The following MED13L variants were observed in gnomAD, a reference collection of about 807,000 sequenced individuals.
MED13L encodes the protein mediator of RNA polymerase II transcription subunit 13-like.
In MED13L, 7 loss-of-function variants were observed where a neutral mutation model predicts 220.9. That is an observed-to-expected ratio of 0.03 (90% confidence interval 0.02 to 0.06). MED13L has a LOEUF of 0.06. Among genes scored for constraint, MED13L ranks in the 10% least tolerant of loss-of-function variants. The pLI is 1.00. For synonymous variants in MED13L, 1,011 were observed against 1,015.2 expected, an observed-to-expected ratio of 1.00 and a Z score of 0.08; for missense variants, 1,965 against 2,760.5, an observed-to-expected ratio of 0.71 and a Z score of 6.46.
chr12:116,160,582 A>AT (rs1217577263), intron 2 of MED13L, among the ~76,000 whole-genome samples: 3 of 145,640 alleles, frequency 2.1e-5, no homozygotes, highest in Non-Finnish European at 4.6e-5. Flanking sequence ...CCAAACTTTA[A>AT]TTTAAAAAAA....
At chr12:116,239,553 T>C (rs1239009448) in intron 1 of MED13L, among the ~76,000 whole-genome samples, 1 of 152,242 alleles carries the variant, frequency 6.6e-6, no homozygotes, top group Non-Finnish European at 1.5e-5. Context: ...ATTCTATTCA[T>C]TGGAAAAAAT....
At chr12:116,102,643 C>T (rs903733250) in intron 3 of MED13L, among the ~76,000 whole-genome samples, 3 of 150,226 alleles carry the variant, frequency 2.0e-5, no homozygotes, top group Non-Finnish European at 4.4e-5. Context: ...AATAAACCTA[C>T]ATAATCAAGG....
At chr12:116,091,779 T>C (rs1396023912) in intron 4 of MED13L, among the ~76,000 whole-genome samples, 3 of 152,234 alleles carry the variant, frequency 2.0e-5, no homozygotes, top group Non-Finnish European at 4.4e-5. Context: ...ATAGTACATG[T>C]TTTACATGCC....
At chr12:116,267,600 T>A (rs919132605) in intron 1 of MED13L, among the ~76,000 whole-genome samples, 1 of 152,212 alleles carries the variant, frequency 6.6e-6, no homozygotes, top group African/African-American at 2.4e-5. Context: ...GGCACAGAAC[T>A]ATTACGTGAT....
At position 116,248,894 on chromosome 12, in the gene MED13L, T is replaced by C. The variant is rs1159123460; in HGVS notation, c.73-11189A>G. On this transcript the variant is annotated intron_variant, in intron 1 of 30. Transcript: ENST00000281928. ...AACTGGACAGAATATATAAAATTACTGTTTTCAGACACTAGACAACAGGGA... is the reference window on the plus strand; with the variant it reads ...AACTGGACAGAATATATAAAATTACCGTTTTCAGACACTAGACAACAGGGA... 3.9e-5 allele frequency among the ~76,000 whole-genome samples: 6 copies of C among 152,214 alleles called. No individual in the cohort carries two copies. The East Asian group carries it at 1.2e-3, about 29-fold the overall frequency.
chr12:116,038,744 CAAAAAAAAAAAAAAAAA>C (rs63703461), intron 4 of MED13L, among the ~76,000 whole-genome samples: 5 of 75,262 alleles, frequency 6.6e-5, no homozygotes, highest in Non-Finnish European at 1.1e-4. Context: ...GTCAAAAGGC[CAAAAAAAAAAAAAAAAA>C]AAAAAAAAAA....
intron 4 of MED13L, among the ~76,000 whole-genome samples, chr12:116,052,303 T>C (rs922078077): frequency 2.0e-5 from 3 of 152,088 alleles, no homozygotes; most frequent in Non-Finnish European, 4.4e-5. Context: ...AAAGGGATGA[T>C]TAAAGTCATT....
In MED13L at chr12:116,015,269, T is replaced by C. The variant is rs1224842379; in HGVS notation, c.1015A>G (p.Ser339Gly). ...CTGGCAGCACTCTGCATACCTCCAC[T>C]CTCACCTGAAAAAAAAGGCAATTTG... The part of the protein sequence containing the change: ...TSPEQAILGE[S>G]GGMQSAASHL... Residue 339 changes from serine (S) to glycine (G), a missense_variant, in exon 8 of 31, where the codon AGT (serine) becomes GGT (glycine). Ser to Gly is a moderately conservative substitution (Grantham distance 56). This residue lies in a region of MED13L where 818 missense variants were observed against 1,041.2 expected (regional missense o/e 0.79). Coordinates refer to ENST00000281928, the MANE Select transcript of MED13L (RefSeq NM_015335.5). 6.2e-7 allele frequency: 1 copy of C among 1,613,712 alleles called. No individual in the cohort carries two copies. The highest frequency in any genetic ancestry group is 2.2e-5 in the East Asian group (1 of 44,866).
intron 16 of MED13L, among the ~76,000 whole-genome samples, chr12:115,993,366 C>T (rs1878192727): frequency 1.3e-5 from 2 of 152,080 alleles, no homozygotes; most frequent in South Asian, 4.1e-4. Flanking sequence ...TAAACTAATG[C>T]TCCTCCAATA....
Position 116,165,934 on chromosome 12 carries a change from G to A in MED13L, c.311-54422C>T, listed in dbSNP as rs186013508. Among the ~76,000 whole-genome samples, 614 of 152,164 alleles carry A rather than the reference G, an allele frequency of 4.0e-3. 4 individuals are homozygous for A. The highest frequency in any genetic ancestry group is 7.2e-3 in the Admixed American group (110 of 15,284). ...TCCACTACAGCTGCATTGGTCTTTC[G>A]TTCCTGGAATACAACATGCCTCCTG... is the stretch of plus-strand genomic sequence containing the variant. On this transcript the variant is annotated intron_variant, in intron 2 of 30. Coordinates refer to ENST00000281928, the MANE Select transcript of MED13L (RefSeq NM_015335.5).
In MED13L at chr12:115,986,587, G is replaced by A. The variant is rs1425427539; in HGVS notation, c.4115-98C>T. ...TGCACTGGTCTTAATTCTGGCATCT[G>A]AAATGTCACTCCATGTTCACAAGAC... On this transcript the variant is annotated intron_variant, in intron 18 of 30. Transcript: ENST00000281928. 1.2e-4 allele frequency: 134 copies of A among 1,087,780 alleles called. 1 individual carries two copies. Among genetic ancestry groups the A allele is most frequent in the Non-Finnish European group, 1.6e-4 (113 of 721,044 alleles). 67.4% of individuals were successfully genotyped at this position (1,087,780 alleles called of 1,614,324 possible).
chr12:116,023,890 T>A (rs917247994), intron 4 of MED13L, among the ~76,000 whole-genome samples: 1 of 152,102 alleles, frequency 6.6e-6, no homozygotes, highest in Admixed American at 6.5e-5. Flanking sequence ...TAAAATAATA[T>A]AAACAGTAAA....
At position 115,983,367 on chromosome 12, in the gene MED13L, T is replaced by C. The variant is rs1337517436; in HGVS notation, c.4705A>G (p.Ser1569Gly). The C allele has an allele frequency of 6.2e-7, 1 of 1,614,098 alleles. No homozygotes were observed. Residue 1569 changes from serine (S) to glycine (G), a missense_variant, in exon 21 of 31, where the codon AGT becomes GGT. Around this residue, in one of 10 missense-constraint regions of MED13L, gnomAD observed 510 missense variants for 620.4 expected, o/e 0.82. Coordinates refer to ENST00000281928, the MANE Select transcript of MED13L (RefSeq NM_015335.5). The part of the protein sequence containing the change: ...GSAFNPTSNS[S>G]STNPAASSSA... The stretch of plus-strand genomic sequence containing the variant: ...CTACTTGCTGCAGGATTTGTAGAAC[T>C]ACTATTCGAGGTGGGATTAAATGCA...
intron 4 of MED13L, among the ~76,000 whole-genome samples, chr12:116,051,606 C>T (rs886567691): frequency 6.6e-6 from 1 of 152,138 alleles, no homozygotes; most frequent in African/African-American, 2.4e-5. Flanking sequence ...TATCTGCATA[C>T]ACATAATAAG....
chr12:116,161,909 TA>T lies in MED13L; in HGVS notation c.311-50398del, dbSNP rs540313930. Reference sequence around the variant, plus strand: ...CACCTTTACTCACTGTATCTTTTTTTAAAAAAAGAAATGGAATATCTAACAA... The same window carrying T: ...CACCTTTACTCACTGTATCTTTTTTTAAAAAAGAAATGGAATATCTAACAA... On this transcript the variant is annotated intron_variant, in intron 2 of 30. Coordinates refer to ENST00000281928, the MANE Select transcript of MED13L (RefSeq NM_015335.5). Among the ~76,000 whole-genome samples, 41 of 152,208 alleles carry T rather than the reference TA, an allele frequency of 2.7e-4. 1 individual carries two copies. The South Asian group carries it at 4.2e-3, about 15-fold the overall frequency.
intron 4 of MED13L, among the ~76,000 whole-genome samples, chr12:116,086,058 C>T (rs1479752389): frequency 6.6e-6 from 1 of 151,990 alleles, no homozygotes; most frequent in Non-Finnish European, 1.5e-5. Flanking sequence ...TTGGGCGATC[C>T]CTACACAATT....
intron 2 of MED13L, among the ~76,000 whole-genome samples, chr12:116,204,260 T>C (rs1250275021): frequency 2.0e-5 from 3 of 152,154 alleles, no homozygotes; most frequent in African/African-American, 7.2e-5. Context: ...GAGAACAAAA[T>C]TTATCAGAAC....
intron 2 of MED13L, among the ~76,000 whole-genome samples, chr12:116,186,727 A>G (rs1266627481): frequency 6.6e-6 from 1 of 152,230 alleles, no homozygotes; most frequent in African/African-American, 2.4e-5. Context: ...GTCCCTGGAC[A>G]AGCTGGAGCA....
chr12:116,155,742 T>C (rs557577876), intron 2 of MED13L, among the ~76,000 whole-genome samples: 302 of 152,272 alleles, frequency 2.0e-3, no homozygotes, highest in African/African-American at 7.1e-3. Flanking sequence ...AAAAAAACCT[T>C]GAAACTGTTA....
Sources: allele counts gnomAD v4.1 joint callset (sites outside exome capture counted in the v4.1 genomes callset), GRCh38; gene constraint gnomAD v4.1.1; regional missense constraint gnomAD v4.1.1; transcripts MANE v1.5; gene names NCBI Gene and HGNC (gene_info 2026-07-23, HGNC 2026-07-21).